The following PI16 variants were observed in gnomAD, a reference collection of about 807,000 sequenced individuals.
PI16 encodes the protein peptidase inhibitor 16.
Under a neutral mutation model 38.0 loss-of-function variants are expected in PI16, and 35 were observed. The ratio of observed to expected loss-of-function variants is 0.92; its 90% confidence interval spans 0.70 to 1.22. The LOEUF is 1.22. Ranked by LOEUF, PI16 falls within the 50% of genes most tolerant of loss-of-function variation. PI16 has a pLI of 0.00. For synonymous variants in PI16, 275 were observed against 252.9 expected (o/e 1.09, Z -0.83); for missense variants, 572 against 593.8 (o/e 0.96, Z 0.38).
chr6:36,959,052 C>A, intron 1 of PI16, 93 bp from the exon 2 acceptor site: 2 of 1,131,486 alleles, frequency 1.8e-6, no homozygotes, highest in South Asian at 1.5e-5. Flanking sequence ...AAGGAGGTGC[C>A]GGAAGGATTT....
upstream of PI16, among the ~76,000 whole-genome samples, chr6:36,952,049 G>A (rs557015578): frequency 1.3e-5 from 2 of 149,102 alleles, no homozygotes; most frequent in Non-Finnish European, 3.0e-5. Flanking sequence ...GCTGGAATGC[G>A]GTGACTGGAT....
chr6:36,960,995 TG>T (rs551793865), intron 2 of PI16, among the ~76,000 whole-genome samples: 8 of 152,266 alleles, frequency 5.3e-5, no homozygotes, highest in African/African-American at 1.7e-4. Flanking sequence ...ACCTGTGATT[TG>T]GGGGAAGTTC....
chr6:36,954,103 G>T (rs1763147612), upstream of PI16, among the ~76,000 whole-genome samples: 1 of 152,240 alleles, frequency 6.6e-6, no homozygotes, highest in African/African-American at 2.4e-5. Context: ...CAGGCCACAT[G>T]AGTGGGTTGT....
chr6:36,959,496 C>G, intron 2 of PI16, 130 bp downstream of exon 2: 3 of 876,262 alleles, frequency 3.4e-6, no homozygotes, highest in South Asian at 3.5e-5. Flanking sequence ...GGGCTTCACT[C>G]CAAGCCCCCT....
Position 36,963,183 on chromosome 6 carries a change from C to G in PI16, c.841C>G (p.Pro281Ala). Reference sequence around the variant, plus strand: ...CCCGCCCTCCATGGCAACAGAGGCTCCACCTTGCGTAACAACTGAGGTCCC... The same window carrying G: ...CCCGCCCTCCATGGCAACAGAGGCTGCACCTTGCGTAACAACTGAGGTCCC... ...KDPPSMATEA[P>A]PCVTTEVPSI... The change falls in exon 5 of 7, where the codon CCA becomes GCA. Residue 281 changes from proline (P) to alanine (A), a missense_variant. Coordinates refer to ENST00000373674, the MANE Select transcript of PI16 (RefSeq NM_153370.3). 2 of 1,614,240 alleles carry G rather than the reference C, an allele frequency of 1.2e-6. No homozygotes were observed. The highest frequency in any genetic ancestry group is 1.7e-5 in the Admixed American group (1 of 60,038).
chr6:36,954,772 C>T lies in PI16; in HGVS notation c.12C>T (p.Ser4=). Residue 4 remains serine, a synonymous_variant, in exon 1 of 7, where the codon TCC becomes TCT. Coordinates refer to ENST00000373674, the MANE Select transcript of PI16 (RefSeq NM_153370.3). MHG[S]CSFLMLLLPL... is the part of the protein sequence containing the mutation. ...GACGGCTGGCCACCATGCACGGCTC[C>T]TGCAGTTTCCTGATGCTTCTGCTGC... is the stretch of plus-strand genomic sequence containing the variant. 1.2e-6 allele frequency: 2 copies of T among 1,613,210 alleles called. No individual in the cohort carries two copies. The highest frequency in any genetic ancestry group is 1.7e-6 in the Non-Finnish European group (2 of 1,179,720).
upstream of PI16, among the ~76,000 whole-genome samples, chr6:36,951,189 T>C (rs975974083): frequency 6.6e-6 from 1 of 152,220 alleles, no homozygotes; most frequent in African/African-American, 2.4e-5. Context: ...AATGAATAAT[T>C]GCATGAATAA....
chr6:36,963,238 C>G lies in PI16; in HGVS notation c.896C>G (p.Ser299Cys), dbSNP rs760187412. Residue 299 changes from serine to cysteine, a missense_variant, in exon 5 of 7, where the codon TCC (serine) becomes TGC (cysteine). By Grantham distance (112) the Ser-to-Cys change is moderately radical. Coordinates refer to ENST00000373674, the MANE Select transcript of PI16 (RefSeq NM_153370.3). The part of the protein sequence containing the change: ...PSILAAHSLP[S>C]LDEEPVTFPK... ...ATTTTGGCAGCTCACAGCCTGCCCT[C>G]CTTGGATGAGGAGCCAGTTACCTTC... The G allele has an allele frequency of 2.5e-6, 4 of 1,614,114 alleles. No individual in the cohort carries two copies. Among genetic ancestry groups the G allele is most frequent in the Non-Finnish European group, 3.4e-6 (4 of 1,180,050 alleles).
At position 36,959,277 on chromosome 6, in the gene PI16, G is replaced by A. The variant is rs766009474; in HGVS notation, c.304G>A (p.Ala102Thr). ...ITDEGMDVPLAMEEWHHEREH... is the reference protein window; with the variant it reads ...ITDEGMDVPLTMEEWHHEREH... ...AGACGAGGGCATGGACGTGCCGCTG[G>A]CCATGGAGGAGTGGCACCACGAGCG... is the stretch of plus-strand genomic sequence containing the variant. The change falls in exon 2 of 7, where the codon GCC (alanine) becomes ACC (threonine). Residue 102 changes from alanine to threonine, a missense_variant. Ala to Thr is a moderately conservative substitution (Grantham distance 58). Transcript: ENST00000373674. 3.1e-6 allele frequency: 5 copies of A among 1,599,828 alleles called. No homozygotes were observed. The African/African-American group carries it at 5.3e-5, about 17-fold the overall frequency.
intron 1 of PI16, among the ~76,000 whole-genome samples, chr6:36,958,660 G>A (rs1207493904): frequency 2.0e-5 from 3 of 152,124 alleles, no homozygotes. Context: ...TGGGGGCTTA[G>A]AGGGAGAGGA....
At chr6:36,961,131 G>T (rs1763351494) in intron 2 of PI16, among the ~76,000 whole-genome samples, 1 of 152,156 alleles carries the variant, frequency 6.6e-6, no homozygotes, top group Admixed American at 6.5e-5. Context: ...GGGCCTCTAG[G>T]CCTTTTTTTC....
chr6:36,963,704 G>A, intron 5 of PI16, 92 bp downstream of exon 5: 1 of 1,547,980 alleles, frequency 6.5e-7, no homozygotes, highest in African/African-American at 1.4e-5. Flanking sequence ...GGTGGGGCAT[G>A]CACCCTCTGA....
At chr6:36,949,594 A>AT (rs1763067678) in intron 1 of PI16, among the ~76,000 whole-genome samples, 2 of 151,820 alleles carry the variant, frequency 1.3e-5, no homozygotes, top group Admixed American at 1.3e-4. Context: ...CTCCACTTGG[A>AT]TTTTTCTCAA....
chr6:36,961,651 G>A, intron 3 of PI16, 91 bp downstream of exon 3: 1 of 1,160,264 alleles, frequency 8.6e-7, no homozygotes, highest in Non-Finnish European at 1.3e-6. Context: ...CTGAGGGAGT[G>A]GGAGGAGAGG....
Position 36,961,509 on chromosome 6 carries a change from A to G in PI16, c.452A>G (p.Gln151Arg). The G allele has an allele frequency of 1.2e-6, 2 of 1,614,204 alleles. No homozygotes were observed. The highest frequency in any genetic ancestry group is 1.7e-6 in the Non-Finnish European group (2 of 1,180,026). Residue 151 changes from glutamine (Q) to arginine (R), a missense_variant, in exon 3 of 7, where the codon CAG becomes CGG. By Grantham distance (43) the Gln-to-Arg change is conservative. Transcript: ENST00000373674. ...GGTTCCCACTTCTGTGAGAAGCTCC[A>G]GGGTGTTGAGGAGACCAACATCGAA... ...GCGSHFCEKL[Q>R]GVEETNIELL...
chr6:36,949,710 G>T (rs1763069385), intron 1 of PI16, among the ~76,000 whole-genome samples: 1 of 151,936 alleles, frequency 6.6e-6, no homozygotes, highest in South Asian at 2.1e-4. Context: ...CCCCTTTTCA[G>T]CTACCCATTT....
chr6:36,948,665 CT>C, intron 1 of PI16, among the ~76,000 whole-genome samples: 4 of 5,824 alleles, frequency 6.9e-4, no homozygotes, highest in South Asian at 0.014. Flanking sequence ...TCCTTCCCTC[CT>C]TCCTCCCTCC....
In PI16 at chr6:36,961,530, T is replaced by C. The variant is rs758511919; in HGVS notation, c.473T>C (p.Ile158Thr). The C allele has an allele frequency of 6.2e-7, 1 of 1,614,026 alleles. No individual in the cohort carries two copies. The highest frequency in any genetic ancestry group is 8.5e-7 in the Non-Finnish European group (1 of 1,179,992). Reference protein sequence around the residue: ...EKLQGVEETNIELLVCNYEPP... With the variant: ...EKLQGVEETNTELLVCNYEPP... ...CTCCAGGGTGTTGAGGAGACCAACA[T>C]CGAATTACTGGTGTGCAACTATGAG... is the stretch of plus-strand genomic sequence containing the variant. The change falls in exon 3 of 7, where the codon ATC becomes ACC. Residue 158 changes from isoleucine to threonine, a missense_variant. Coordinates refer to ENST00000373674, the MANE Select transcript of PI16 (RefSeq NM_153370.3).
At chr6:36,951,973 A>AT (rs1421702382), upstream of PI16, among the ~76,000 whole-genome samples, 3 of 144,926 alleles carry the variant, frequency 2.1e-5, no homozygotes, top group African/African-American at 7.7e-5. Flanking sequence ...ATTTGCAAAT[A>AT]TTTTTTCCCA....
Sources: allele counts gnomAD v4.1 joint callset (sites outside exome capture counted in the v4.1 genomes callset), GRCh38; gene constraint gnomAD v4.1.1; transcripts MANE v1.5; gene names NCBI Gene and HGNC (gene_info 2026-07-23, HGNC 2026-07-21).